ARHGAP24: variants seen among roughly 807,000 people sequenced by gnomAD.
The protein encoded by ARHGAP24 is Rho GTPase activating protein 24.
In ARHGAP24, 50 loss-of-function variants were observed where a neutral mutation model predicts 76.4. The observed-to-expected ratio is 0.65, with a 90% CI of 0.52 to 0.83. ARHGAP24 has a LOEUF of 0.83. Ranked by LOEUF, ARHGAP24 falls within the 40% of genes least tolerant of loss-of-function variation. The pLI is 0.00. For synonymous variants in ARHGAP24, 345 were observed against 323.3 expected, an observed-to-expected ratio of 1.07 and a Z score of -0.72; for missense variants, 930 against 914.2, an observed-to-expected ratio of 1.02 and a Z score of -0.22.
At chr4:85,525,743 G>A (rs1269309880) in intron 1 of ARHGAP24, among the ~76,000 whole-genome samples, 1 of 152,054 alleles carries the variant, frequency 6.6e-6, no homozygotes, top group Non-Finnish European at 1.5e-5. Context: ...TTACATACCT[G>A]TCACAAATCC....
intron 3 of ARHGAP24, among the ~76,000 whole-genome samples, chr4:85,837,165 A>G (rs1730337445): frequency 6.6e-6 from 1 of 152,234 alleles, no homozygotes; most frequent in Non-Finnish European, 1.5e-5. Context: ...CTTAGGAGTG[A>G]ACTCAGAAGA....
At chr4:85,671,519 G>A (rs1469473097) in intron 2 of ARHGAP24, among the ~76,000 whole-genome samples, 1 of 152,172 alleles carries the variant, frequency 6.6e-6, no homozygotes, top group Non-Finnish European at 1.5e-5. Context: ...ATGAATAGAA[G>A]TGATTCAACA....
intron 1 of ARHGAP24, among the ~76,000 whole-genome samples, chr4:85,564,293 C>G (rs1462668100): frequency 7.1e-6 from 1 of 141,526 alleles, no homozygotes. Context: ...GCTGCAAGGA[C>G]AAAAAAAACA....
chr4:85,554,530 A>C (rs371449244), intron 1 of ARHGAP24, among the ~76,000 whole-genome samples: 21 of 151,974 alleles, frequency 1.4e-4, no homozygotes, highest in East Asian at 1.2e-3. Context: ...AGTTTAGAGA[A>C]CCAGTCTTTG....
chr4:85,557,089 G>T (rs1726409797), intron 1 of ARHGAP24, among the ~76,000 whole-genome samples: 2 of 152,162 alleles, frequency 1.3e-5, no homozygotes, highest in Non-Finnish European at 2.9e-5. Context: ...AACAAAAATG[G>T]CAGGCTACCT....
intron 3 of ARHGAP24, among the ~76,000 whole-genome samples, chr4:85,735,316 G>A (rs1016570606): frequency 6.6e-6 from 1 of 151,864 alleles, no homozygotes; most frequent in Non-Finnish European, 1.5e-5. Context: ...AGCACCTCAC[G>A]TGTTTTGCTT....
At chr4:85,560,219 T>C (rs1051344903) in intron 1 of ARHGAP24, among the ~76,000 whole-genome samples, 1 of 151,904 alleles carries the variant, frequency 6.6e-6, no homozygotes, top group Non-Finnish European at 1.5e-5. Context: ...ATCACTGTGG[T>C]GGTGAAGGGC....
chr4:85,819,689 C>A (rs574086949), intron 3 of ARHGAP24, among the ~76,000 whole-genome samples: 6 of 152,102 alleles, frequency 3.9e-5, no homozygotes, highest in Non-Finnish European at 7.4e-5. Flanking sequence ...GAGGCTGAGG[C>A]GGGCAGATCA....
chr4:85,810,068 A>G (rs1436610073), intron 3 of ARHGAP24, among the ~76,000 whole-genome samples: 1 of 152,218 alleles, frequency 6.6e-6, no homozygotes, highest in Non-Finnish European at 1.5e-5. Flanking sequence ...TCGAGAGGAT[A>G]ATAAAAATGT....
intron 2 of ARHGAP24, among the ~76,000 whole-genome samples, chr4:85,574,266 AC>A (rs1192498550): frequency 1.3e-5 from 2 of 152,168 alleles, no homozygotes; most frequent in African/African-American, 4.8e-5. Flanking sequence ...ATTATGAAAA[AC>A]TGCTCATCTG....
chr4:85,737,740 A>G (rs572589962), intron 3 of ARHGAP24, among the ~76,000 whole-genome samples: 2 of 152,324 alleles, frequency 1.3e-5, no homozygotes, highest in East Asian at 3.9e-4. Context: ...ATGAAAAGGC[A>G]TAGATTCCTA....
intron 2 of ARHGAP24, among the ~76,000 whole-genome samples, chr4:85,683,108 G>T (rs1560583812): frequency 5.3e-5 from 5 of 94,142 alleles, no homozygotes; most frequent in Admixed American, 1.2e-4. Flanking sequence ...CTCTCAGTGT[G>T]TGGGGGGGTG....
intron 3 of ARHGAP24, among the ~76,000 whole-genome samples, chr4:85,905,143 A>T (rs1734702335): frequency 6.6e-6 from 1 of 152,150 alleles, no homozygotes; most frequent in African/African-American, 2.4e-5. Context: ...AGGGGTACAG[A>T]TAGGGTCAAA....
intron 1 of ARHGAP24, among the ~76,000 whole-genome samples, chr4:85,545,395 T>C (rs984550876): frequency 3.9e-5 from 6 of 152,170 alleles, no homozygotes; most frequent in South Asian, 2.1e-4. Flanking sequence ...CCACCACACC[T>C]GGCCCAGTTT....
At chr4:85,510,607 C>G (rs182124194) in intron 1 of ARHGAP24, among the ~76,000 whole-genome samples, 1 of 148,598 alleles carries the variant, frequency 6.7e-6, no homozygotes, top group Non-Finnish European at 1.5e-5. Flanking sequence ...TTGTCTTCCC[C>G]GTCTTCCCCT....
intron 1 of ARHGAP24, among the ~76,000 whole-genome samples, chr4:85,544,678 GTA>G (rs914977096): frequency 2.0e-4 from 31 of 151,238 alleles, no homozygotes; most frequent in African/African-American, 7.3e-4. Flanking sequence ...ATACATATAT[GTA>G]TATATATATA....
intron 1 of ARHGAP24, among the ~76,000 whole-genome samples, chr4:85,487,675 TTTA>T (rs1323852605): frequency 9.3e-6 from 1 of 107,078 alleles, no homozygotes; most frequent in Non-Finnish European, 1.7e-5. Context: ...TAAACATATA[TTTA>T]TTATATTATA....
intron 3 of ARHGAP24, among the ~76,000 whole-genome samples, chr4:85,769,450 A>T (rs1011884816): frequency 6.6e-6 from 1 of 152,172 alleles, no homozygotes; most frequent in Non-Finnish European, 1.5e-5. Flanking sequence ...AAATGTCAAC[A>T]AGTTTAGTAA....
At chr4:85,849,022 G>A (rs1731060583) in intron 3 of ARHGAP24, among the ~76,000 whole-genome samples, 1 of 150,076 alleles carries the variant, frequency 6.7e-6, no homozygotes, top group African/African-American at 2.4e-5. Flanking sequence ...CATTGAATCT[G>A]TAAATTACCT....
Sources: gnomAD v4.1 joint callset for allele counts (sites outside exome capture counted in the v4.1 genomes callset) on GRCh38, gnomAD v4.1.1 for gene constraint, MANE v1.5 for transcripts, NCBI Gene and HGNC (gene_info 2026-07-23, HGNC 2026-07-21) for gene names.